Variants in SLC24A2 observed in about 807,000 individuals in gnomAD.
SLC24A2 encodes solute carrier family 24 member 2, also known as sodium/potassium/calcium exchanger 2.
In SLC24A2, 36 loss-of-function variants were observed where a neutral mutation model predicts 62.0. The observed-to-expected ratio is 0.58, with a 90% CI of 0.44 to 0.77. The LOEUF is 0.77. SLC24A2 is among the 30% of genes least tolerant of loss of function. SLC24A2 has a pLI of 0.00. For missense variants in SLC24A2, 846 were observed against 817.9 expected, an observed-to-expected ratio of 1.03 and a Z score of -0.42; for synonymous variants, 358 against 294.0, an observed-to-expected ratio of 1.22 and a Z score of -2.23.
At chr9:19,712,111 G>A (rs1820731943) in intron 2 of SLC24A2, among the ~76,000 whole-genome samples, 1 of 152,146 alleles carries the variant, frequency 6.6e-6, no homozygotes, top group South Asian at 2.1e-4. Flanking sequence ...AAAGTCTGGG[G>A]AAGGTCAGGA....
chr9:19,776,277 T>A (rs1365322910), intron 2 of SLC24A2, among the ~76,000 whole-genome samples: 3 of 152,224 alleles, frequency 2.0e-5, no homozygotes, highest in Non-Finnish European at 4.4e-5. Flanking sequence ...AGCTTGCAGT[T>A]TGAAATCAGA....
At chr9:19,856,293 G>T in the SLC24A2 span, among the ~76,000 whole-genome samples, 1 of 152,110 alleles carries the variant, frequency 6.6e-6, no homozygotes, top group Non-Finnish European at 1.5e-5. Context: ...GTCAGTTCAT[G>T]CATCTTAACC....
chr9:20,302,984 T>C, the SLC24A2 span, among the ~76,000 whole-genome samples: 6,679 of 152,318 alleles, frequency 0.044, 185 homozygotes, highest in Non-Finnish European at 0.061. Context: ...GGAGTCTCAA[T>C]CTTGTTAGAG....
At position 19,675,758 on chromosome 9, in the gene SLC24A2, AACCT is replaced by A. The variant is rs1298367939; in HGVS notation, c.931-53463_931-53460del. 2.0e-5 allele frequency among the ~76,000 whole-genome samples: 3 copies of A among 152,018 alleles called. No individual in the cohort carries two copies. The South Asian group carries it at 6.2e-4, about 31-fold the overall frequency. On this transcript the variant is annotated intron_variant, in intron 2 of 10. Transcript: ENST00000341998. Reference sequence around the variant, plus strand: ...CAGCCAGCCGGTGAGCAGGGCTGGAAACCTACCCCAGGCTGAGAAAGCAAACAGG... The same window carrying A: ...CAGCCAGCCGGTGAGCAGGGCTGGAAACCCCAGGCTGAGAAAGCAAACAGG...
the SLC24A2 span, among the ~76,000 whole-genome samples, chr9:19,888,199 A>G: frequency 1.3e-5 from 2 of 152,208 alleles, no homozygotes; most frequent in African/African-American, 4.8e-5. Flanking sequence ...TAAACAAACA[A>G]CATGCCTCCA....
chr9:19,656,845 C>T (rs1054411830), intron 2 of SLC24A2, among the ~76,000 whole-genome samples: 4 of 152,206 alleles, frequency 2.6e-5, no homozygotes, highest in African/African-American at 9.6e-5. Context: ...TGTTCCGCAT[C>T]CACCGTTACC....
chr9:19,696,352 T>C (rs969882725), intron 2 of SLC24A2, among the ~76,000 whole-genome samples: 2 of 152,144 alleles, frequency 1.3e-5, no homozygotes, highest in Non-Finnish European at 2.9e-5. Context: ...AGGCAATACA[T>C]TTTAGCTATC....
intron 9 of SLC24A2, among the ~76,000 whole-genome samples, chr9:19,523,432 A>G (rs1388751390): frequency 6.6e-6 from 1 of 152,220 alleles, no homozygotes; most frequent in Non-Finnish European, 1.5e-5. Context: ...GTATAAAGCA[A>G]ATGTTAAATA....
At chr9:20,086,900 GTTAT>G in the SLC24A2 span, among the ~76,000 whole-genome samples, 1 of 152,200 alleles carries the variant, frequency 6.6e-6, no homozygotes, top group East Asian at 1.9e-4. Context: ...CTTACAAGAG[GTTAT>G]TTGAGTTTTT....
At chr9:20,227,192 G>A in the SLC24A2 span, among the ~76,000 whole-genome samples, 1 of 152,042 alleles carries the variant, frequency 6.6e-6, no homozygotes, top group Non-Finnish European at 1.5e-5. Context: ...AGACTCAATT[G>A]TTTTAAAATA....
the SLC24A2 span, among the ~76,000 whole-genome samples, chr9:20,269,452 T>C: frequency 1.8e-4 from 28 of 152,178 alleles, no homozygotes; most frequent in African/African-American, 6.5e-4. Context: ...CTTTCATTTC[T>C]CTGTTCTCAG....
the SLC24A2 span, among the ~76,000 whole-genome samples, chr9:20,143,469 T>A: frequency 6.6e-6 from 1 of 152,316 alleles, no homozygotes; most frequent in East Asian, 1.9e-4. Flanking sequence ...CCTGGTATCA[T>A]GAAAATTCGA....
intron 8 of SLC24A2, among the ~76,000 whole-genome samples, chr9:19,548,373 G>A (rs897331335): frequency 2.6e-5 from 4 of 152,054 alleles, no homozygotes; most frequent in African/African-American, 9.7e-5. Flanking sequence ...CTACCTTCTA[G>A]GAAATGACCA....
chr9:19,761,789 C>T lies in SLC24A2; in HGVS notation c.930+24148G>A, dbSNP rs13298815. Among the ~76,000 whole-genome samples the T allele has an allele frequency of 6.0e-3, 909 of 152,224 alleles. 6 individuals carry two copies. Among genetic ancestry groups the T allele is most frequent in the Middle Eastern group, 0.014 (4 of 294 alleles). On this transcript the variant is annotated intron_variant, in intron 2 of 10. Transcript: ENST00000341998. ...GAATGATGGTTTCCAGCTTCATCCA[C>T]GTCCCTACAAAGGAGATGAACTCAT...
At chr9:19,625,708 T>A (rs1053153458) in intron 2 of SLC24A2, among the ~76,000 whole-genome samples, 1 of 146,336 alleles carries the variant, frequency 6.8e-6, no homozygotes, top group African/African-American at 2.5e-5. Context: ...TTTTTTGAGA[T>A]GGGGTTTCAC....
the SLC24A2 span, among the ~76,000 whole-genome samples, chr9:20,005,395 T>C: frequency 1.3e-5 from 2 of 152,180 alleles, no homozygotes; most frequent in Non-Finnish European, 2.9e-5. Flanking sequence ...AATATTGTGC[T>C]GAGGACTTTA....
the SLC24A2 span, among the ~76,000 whole-genome samples, chr9:19,925,150 C>G: frequency 6.6e-6 from 1 of 152,216 alleles, no homozygotes; most frequent in East Asian, 1.9e-4. Context: ...CACAGATGTG[C>G]TGTAGAACAA....
chr9:20,163,079 G>C, the SLC24A2 span, among the ~76,000 whole-genome samples: 2 of 152,122 alleles, frequency 1.3e-5, no homozygotes, highest in African/African-American at 4.8e-5. Flanking sequence ...AGAAGACAGG[G>C]ATACCCTCTC....
At chr9:19,875,904 C>G in the SLC24A2 span, among the ~76,000 whole-genome samples, 1 of 152,128 alleles carries the variant, frequency 6.6e-6, no homozygotes, top group African/African-American at 2.4e-5. Flanking sequence ...ATGGATTAAC[C>G]AAGGCTTCTC....
Sources: allele counts gnomAD v4.1 joint callset (sites outside exome capture counted in the v4.1 genomes callset), GRCh38; gene constraint gnomAD v4.1.1; transcripts MANE v1.5; gene names NCBI Gene and HGNC (gene_info 2026-07-23, HGNC 2026-07-21).